MAGI2: variants seen among roughly 807,000 people sequenced by gnomAD.
MAGI2 encodes the protein membrane-associated guanylate kinase, WW and PDZ domain-containing protein 2.
In MAGI2, 35 loss-of-function variants were observed where a neutral mutation model predicts 133.3. That is an observed-to-expected ratio of 0.26 (90% confidence interval 0.20 to 0.35). The LOEUF is 0.35. MAGI2 is among the 10% of genes least tolerant of loss of function. The pLI, the probability that MAGI2 is intolerant of heterozygous loss-of-function variation, is 1.00. For missense variants in MAGI2, 1,636 were observed against 1,863.4 expected (o/e 0.88, Z 2.25); for synonymous variants, 729 against 710.6 (o/e 1.03, Z -0.41).
At chr7:78,859,836 TC>T (rs1459886777) in intron 2 of MAGI2, among the ~76,000 whole-genome samples, 1 of 152,234 alleles carries the variant, frequency 6.6e-6, no homozygotes, top group Non-Finnish European at 1.5e-5. Flanking sequence ...AAGAGTGTTT[TC>T]CAAGTTGGTT....
At chr7:78,929,934 T>C (rs980517192) in intron 2 of MAGI2, among the ~76,000 whole-genome samples, 4 of 152,086 alleles carry the variant, frequency 2.6e-5, no homozygotes, top group Non-Finnish European at 5.9e-5. Flanking sequence ...ATTAAGTGAA[T>C]GTGTTTATCC....
chr7:79,229,526 C>T (rs368098505), intron 1 of MAGI2, among the ~76,000 whole-genome samples: 24 of 152,202 alleles, frequency 1.6e-4, no homozygotes, highest in South Asian at 8.3e-4. Flanking sequence ...GTTACCATCC[C>T]GGAGCCTATA....
chr7:78,726,931 TG>T (rs1274136869), intron 2 of MAGI2, among the ~76,000 whole-genome samples: 1 of 151,918 alleles, frequency 6.6e-6, no homozygotes, highest in Non-Finnish European at 1.5e-5. Context: ...TTTTTTTTTT[TG>T]AAGTATTTAT....
intron 2 of MAGI2, among the ~76,000 whole-genome samples, chr7:78,760,892 T>C (rs899436109): frequency 7.2e-5 from 11 of 152,152 alleles, no homozygotes; most frequent in African/African-American, 2.7e-4. Context: ...CGAGATTACC[T>C]CTCTACTCTC....
chr7:78,568,709 C>T (rs1801196115), intron 3 of MAGI2, among the ~76,000 whole-genome samples: 1 of 152,128 alleles, frequency 6.6e-6, no homozygotes, highest in South Asian at 2.1e-4. Flanking sequence ...CCAGTCTCCA[C>T]ACAGAAGCAA....
Position 79,453,582 on chromosome 7 carries a change from C to T in MAGI2, c.-262G>A. ...TGAATGACACTCAAGGCTGTGGCCC[C>T]GCAGCAGAGGAAGCAGTGGTGGTGG... On this transcript the variant is annotated 5_prime_UTR_variant, in exon 1 of 22. Coordinates refer to ENST00000354212, the MANE Select transcript of MAGI2 (RefSeq NM_012301.4). 1 of 1,167,724 alleles carries T rather than the reference C, an allele frequency of 8.6e-7. No homozygotes were observed. The highest frequency in any genetic ancestry group is 1.1e-6 in the Non-Finnish European group (1 of 946,856). The allele number at this position is 1,167,724 out of a possible 1,614,324, so 72.3% of individuals were successfully genotyped here.
At chr7:78,208,541 TC>T (rs1162175525) in intron 10 of MAGI2, among the ~76,000 whole-genome samples, 1 of 152,180 alleles carries the variant, frequency 6.6e-6, no homozygotes, top group Admixed American at 6.5e-5. Flanking sequence ...TTATTTATGT[TC>T]TGAGCAAGAT....
At chr7:78,750,102 T>C (rs1823308101) in intron 2 of MAGI2, among the ~76,000 whole-genome samples, 1 of 152,134 alleles carries the variant, frequency 6.6e-6, no homozygotes, top group Admixed American at 6.5e-5. Context: ...TCACTGTTCA[T>C]CTCCCACTTA....
intron 2 of MAGI2, among the ~76,000 whole-genome samples, chr7:78,937,719 C>G (rs1228404175): frequency 6.6e-6 from 1 of 152,228 alleles, no homozygotes; most frequent in African/African-American, 2.4e-5. Flanking sequence ...TAGACATGGT[C>G]TCTGGATCGA....
intron 1 of MAGI2, among the ~76,000 whole-genome samples, chr7:79,149,470 C>T (rs1822983966): frequency 6.6e-6 from 1 of 151,956 alleles, no homozygotes; most frequent in African/African-American, 2.4e-5. Flanking sequence ...GGGGATGAAC[C>T]ACGCAGATAT....
chr7:78,903,172 C>CTTTTTTT lies in MAGI2; in HGVS notation c.418+103911_418+103917dup, dbSNP rs10526268. Among the ~76,000 whole-genome samples the CTTTTTTT allele has an allele frequency of 9.4e-4, 53 of 56,122 alleles. 14 individuals carry two copies. The highest frequency in any genetic ancestry group is 1.4e-3 in the East Asian group (2 of 1,452). The allele number at this position is 56,122 out of a possible 152,430, so 36.8% of individuals were successfully genotyped here. On this transcript the variant is annotated intron_variant, in intron 2 of 21. Transcript: ENST00000354212. ...TTCATGCAAGTGGGAGTTCCTGAAT[C>CTTTTTTT]TTTTTTTTTTTTTTTTTTTTTTTTT...
intron 1 of MAGI2, among the ~76,000 whole-genome samples, chr7:79,072,719 CA>C (rs1268450697): frequency 6.6e-6 from 1 of 152,162 alleles, no homozygotes; most frequent in East Asian, 1.9e-4. Context: ...TATGATTATG[CA>C]TAGACCAGGC....
chr7:78,222,950 T>A (rs1205443971), intron 10 of MAGI2, among the ~76,000 whole-genome samples: 3 of 152,164 alleles, frequency 2.0e-5, no homozygotes, highest in African/African-American at 7.2e-5. Context: ...TACCCAGGGC[T>A]GAAGAGATAA....
In MAGI2 at chr7:78,318,371, T is replaced by C. The variant is rs147254887; in HGVS notation, c.1408+25407A>G. 5.7e-3 allele frequency among the ~76,000 whole-genome samples: 872 copies of C among 152,036 alleles called. 13 individuals carry two copies. The highest frequency in any genetic ancestry group is 0.02 in the African/African-American group (839 of 41,458). On this transcript the variant is annotated intron_variant, in intron 9 of 21. Transcript: ENST00000354212. The stretch of plus-strand genomic sequence containing the variant: ...AATCGATTAAGCAGAAGAAAGGATA[T>C]CAGAGATTGAAGAGCAACTCAATGA...
chr7:78,526,044 T>C (rs571621332), intron 3 of MAGI2, among the ~76,000 whole-genome samples: 84 of 152,346 alleles, frequency 5.5e-4, no homozygotes, highest in African/African-American at 2.0e-3. Context: ...ATTCTGCCTA[T>C]GCAGTTAAGA....
At chr7:79,317,880 A>G (rs1838865137) in intron 1 of MAGI2, among the ~76,000 whole-genome samples, 2 of 152,172 alleles carry the variant, frequency 1.3e-5, no homozygotes. Flanking sequence ...AGCCAGCAGC[A>G]TGTCAGTTCA....
intron 1 of MAGI2, among the ~76,000 whole-genome samples, chr7:79,291,921 G>A (rs1836518396): frequency 6.6e-6 from 1 of 151,550 alleles, no homozygotes; most frequent in Admixed American, 6.6e-5. Flanking sequence ...TTTGATGAAG[G>A]CCAATTTATC....
Position 78,565,293 on chromosome 7 carries a change from G to T in MAGI2, c.539-43648C>A, listed in dbSNP as rs577091377. On this transcript the variant is annotated intron_variant, in intron 3 of 21. Transcript: ENST00000354212. ...CCTGGGCAAAATAGCGAGACCCTGTGTCAAAAAAAATTTTTTTAAAAATTA... is the reference window on the plus strand; with the variant it reads ...CCTGGGCAAAATAGCGAGACCCTGTTTCAAAAAAAATTTTTTTAAAAATTA... 1.4e-4 allele frequency among the ~76,000 whole-genome samples: 21 copies of T among 151,828 alleles called. 1 individual carries two copies. The East Asian group carries it at 3.7e-3, about 27-fold the overall frequency.
Position 78,791,015 on chromosome 7 carries a change from A to G in MAGI2, c.419-163776T>C, listed in dbSNP as rs552674135. 2.6e-5 allele frequency among the ~76,000 whole-genome samples: 4 copies of G among 152,354 alleles called. No homozygotes were observed. The East Asian group carries it at 7.7e-4, about 29-fold the overall frequency. ...CTATAAAACAAGAAGATTAAATGAA[A>G]TAAACTCAGAAAAACACAGCTGTGG... On this transcript the variant is annotated intron_variant, in intron 2 of 21. Coordinates refer to ENST00000354212, the MANE Select transcript of MAGI2 (RefSeq NM_012301.4).
Sources: allele counts gnomAD v4.1 joint callset (sites outside exome capture counted in the v4.1 genomes callset), GRCh38; gene constraint gnomAD v4.1.1; transcripts MANE v1.5; gene names NCBI Gene and HGNC (gene_info 2026-07-23, HGNC 2026-07-21).